COL14A1: variants seen among roughly 807,000 people sequenced by gnomAD.
COL14A1 encodes the protein collagen type XIV alpha 1 chain.
A neutral mutation model predicts 230.3 loss-of-function variants in COL14A1; 136 were observed. The ratio of observed to expected loss-of-function variants is 0.59; its 90% CI spans 0.51 to 0.68. The LOEUF is 0.68. COL14A1 is among the 30% of genes least tolerant of loss of function. The pLI is 0.00. For synonymous variants in COL14A1, 792 were observed against 784.1 expected (o/e 1.01, Z -0.17); for missense variants, 1,976 against 2,215.8 (o/e 0.89, Z 2.17).
chr8:120,281,073 G>T lies in COL14A1; in HGVS notation c.3824+14G>T, dbSNP rs531384155. ...CCAGCCAACCAGGTATGTTTCTGTT[G>T]AAAGATTTTAAAGTCATCGTATGTT... is the stretch of plus-strand genomic sequence containing the variant. On this transcript the variant is annotated intron_variant, in intron 31 of 47. Transcript: ENST00000297848. 1.9e-6 allele frequency: 3 copies of T among 1,596,420 alleles called. No individual in the cohort carries two copies. The highest frequency in any genetic ancestry group is 1.7e-6 in the Non-Finnish European group (2 of 1,174,348).
intron 45 of COL14A1, among the ~76,000 whole-genome samples, chr8:120,348,707 C>T (rs942232657): frequency 2.6e-5 from 4 of 152,112 alleles, no homozygotes; most frequent in African/African-American, 9.7e-5. Flanking sequence ...ATTCACAACT[C>T]CATTCAGTTT....
At chr8:120,311,739 A>T (rs559204279) in intron 37 of COL14A1, among the ~76,000 whole-genome samples, 1 of 152,158 alleles carries the variant, frequency 6.6e-6, no homozygotes, top group African/African-American at 2.4e-5. Context: ...CTCATATTTT[A>T]TAGGATAAAA....
chr8:120,300,959 A>G, intron 36 of COL14A1, 141 bp downstream of exon 36: 3 of 689,314 alleles, frequency 4.4e-6, no homozygotes, highest in Admixed American at 2.9e-5. Flanking sequence ...CAGAGATGTT[A>G]AGTAACTTGA....
At chr8:120,268,683 G>A (rs972922218) in intron 25 of COL14A1, among the ~76,000 whole-genome samples, 22 of 151,476 alleles carry the variant, frequency 1.5e-4, no homozygotes, top group South Asian at 2.1e-4. Flanking sequence ...TTTATTAAAC[G>A]AACATTAAAA....
Position 120,339,075 on chromosome 8 carries a change from C to A in COL14A1, c.4786-2250C>A, listed in dbSNP as rs1004831961. Among the ~76,000 whole-genome samples, 5 of 152,222 alleles carry A rather than the reference C, an allele frequency of 3.3e-5. No homozygotes were observed. In the East Asian group the frequency reaches 9.6e-4, roughly 29 times the overall value. ...CCAGGTTCAAGTGATTCTCCTGCCT[C>A]AGCCTCCCGAGTAGCTGGGACTACA... On this transcript the variant is annotated intron_variant, in intron 42 of 47. Coordinates refer to ENST00000297848, the MANE Select transcript of COL14A1 (RefSeq NM_021110.4).
At chr8:120,249,327 AAT>A (rs1194954899) in intron 21 of COL14A1, among the ~76,000 whole-genome samples, 1 of 151,930 alleles carries the variant, frequency 6.6e-6, no homozygotes, top group East Asian at 1.9e-4. Context: ...GTAAGACTCA[AAT>A]ACTCCCACCT....
At chr8:120,180,315 A>T (rs572791770) in intron 5 of COL14A1, among the ~76,000 whole-genome samples, 6 of 152,180 alleles carry the variant, frequency 3.9e-5, no homozygotes, top group Non-Finnish European at 8.8e-5. Context: ...GCTAATTGAA[A>T]TACTGTTTTC....
intron 45 of COL14A1, among the ~76,000 whole-genome samples, chr8:120,366,696 T>C (rs529490507): frequency 6.6e-6 from 1 of 152,220 alleles, no homozygotes; most frequent in Non-Finnish European, 1.5e-5. Flanking sequence ...TTCTGAAGCT[T>C]CCAAGTTTTA....
intron 19 of COL14A1, among the ~76,000 whole-genome samples, chr8:120,235,474 A>G (rs1265134617): frequency 3.3e-5 from 5 of 151,724 alleles, no homozygotes; most frequent in African/African-American, 9.7e-5. Context: ...CCCCTTTACC[A>G]TTTTTTATTG....
At chr8:120,339,882 A>G (rs1433164203) in intron 42 of COL14A1, among the ~76,000 whole-genome samples, 1 of 152,078 alleles carries the variant, frequency 6.6e-6, no homozygotes, top group East Asian at 1.9e-4. Flanking sequence ...TACTAAAAAT[A>G]CAAAAATTAG....
chr8:120,183,206 CTAAT>C (rs1563656632), intron 5 of COL14A1, among the ~76,000 whole-genome samples: 3 of 152,114 alleles, frequency 2.0e-5, no homozygotes. Context: ...AGAAAGAAGA[CTAAT>C]TGTATTGGGA....
chr8:120,210,032 A>T (rs1805878852), intron 12 of COL14A1, 131 bp downstream of exon 12: 4 of 669,654 alleles, frequency 6.0e-6, no homozygotes, highest in African/African-American at 1.9e-5. Context: ...AAACACTTAT[A>T]ATCCCACCAC....
intron 42 of COL14A1, among the ~76,000 whole-genome samples, chr8:120,338,251 C>A (rs893116800): frequency 2.0e-5 from 3 of 152,152 alleles, no homozygotes; most frequent in Non-Finnish European, 4.4e-5. Flanking sequence ...AGTCCTTAGG[C>A]ATGGTATGTT....
chr8:120,347,801 A>G (rs1383962138), intron 45 of COL14A1, among the ~76,000 whole-genome samples: 1 of 152,226 alleles, frequency 6.6e-6, no homozygotes, highest in Non-Finnish European at 1.5e-5. Context: ...ATAAAATATG[A>G]TTATCATCAT....
chr8:120,156,517 C>T (rs1452762868), intron 2 of COL14A1, among the ~76,000 whole-genome samples: 2 of 152,174 alleles, frequency 1.3e-5, no homozygotes, highest in Non-Finnish European at 2.9e-5. Flanking sequence ...CAGTGCATTT[C>T]ATCTGGGGTC....
intron 34 of COL14A1, among the ~76,000 whole-genome samples, chr8:120,291,141 A>T (rs983352131): frequency 1.3e-5 from 2 of 152,128 alleles, no homozygotes; most frequent in Admixed American, 1.3e-4. Context: ...TTAATGGAGG[A>T]TACTCCTATG....
intron 32 of COL14A1, among the ~76,000 whole-genome samples, chr8:120,285,463 C>CAA (rs1218052645): frequency 0.016 from 1,041 of 64,338 alleles, 27 homozygotes; most frequent in African/African-American, 0.052. Context: ...GACTCCATCT[C>CAA]AAAAAAAAAA....
chr8:120,301,867 T>A (rs557657471), intron 36 of COL14A1, among the ~76,000 whole-genome samples: 17 of 152,218 alleles, frequency 1.1e-4, no homozygotes, highest in African/African-American at 4.1e-4. Context: ...CCAGCATCAG[T>A]TATTTCTTTA....
rs749976392 is a variant in COL14A1 at position 120,367,258 on chromosome 8, C to G, written c.5155+10C>G. 1.3e-6 allele frequency: 2 copies of G among 1,599,040 alleles called. No individual in the cohort carries two copies. The highest frequency in any genetic ancestry group is 1.7e-6 in the Non-Finnish European group (2 of 1,173,484). On this transcript the variant is annotated intron_variant, in intron 46 of 47. Transcript: ENST00000297848. ...CCCCCTGGACCAGCAGGTAAATCTTCCTTCCTAACAAGAGACTGCAAATGT... is the reference window on the plus strand; with the variant it reads ...CCCCCTGGACCAGCAGGTAAATCTTGCTTCCTAACAAGAGACTGCAAATGT...
Sources: gnomAD v4.1 joint callset for allele counts (sites outside exome capture counted in the v4.1 genomes callset) on GRCh38, gnomAD v4.1.1 for gene constraint, MANE v1.5 for transcripts, NCBI Gene and HGNC (gene_info 2026-07-23, HGNC 2026-07-21) for gene names.